Variants in ITCH observed in about 807,000 individuals in gnomAD.
ITCH encodes the protein E3 ubiquitin-protein ligase Itchy homolog.
A neutral mutation model predicts 126.8 loss-of-function variants in ITCH; 28 were observed. The observed-to-expected ratio is 0.22, with a 90% CI of 0.16 to 0.30. The LOEUF is 0.30. ITCH is among the 10% of genes least tolerant of loss of function. ITCH has a pLI of 1.00. For missense variants in ITCH, 631 were observed against 1,032.4 expected (o/e 0.61, Z 5.33); for synonymous variants, 342 against 340.0 (o/e 1.01, Z -0.06).
At chr20:34,449,503 TG>T in intron 12 of ITCH, 23 bp downstream of exon 12, 1 of 1,458,812 alleles carries the variant, frequency 6.9e-7, no homozygotes, top group Non-Finnish European at 9.6e-7. Flanking sequence ...AGTTTCTTCA[TG>T]GAGTTCTGTC....
At chr20:34,458,351 T>C (rs2146359870) in intron 13 of ITCH, among the ~76,000 whole-genome samples, 1 of 152,316 alleles carries the variant, frequency 6.6e-6, no homozygotes. Flanking sequence ...ATGTACATTA[T>C]CACAAAGGTC....
At chr20:34,381,343 C>T (rs919904737) in intron 2 of ITCH, among the ~76,000 whole-genome samples, 2 of 151,474 alleles carry the variant, frequency 1.3e-5, no homozygotes, top group African/African-American at 2.4e-5. Context: ...AGTGTGGTGG[C>T]GCAATCTCAG....
At chr20:34,463,636 T>A (rs1056381731) in intron 14 of ITCH, among the ~76,000 whole-genome samples, 5 of 152,120 alleles carry the variant, frequency 3.3e-5, no homozygotes, top group Non-Finnish European at 5.9e-5. Flanking sequence ...TCATCATATT[T>A]TTTTTTAAAT....
intron 2 of ITCH, among the ~76,000 whole-genome samples, chr20:34,374,552 T>C (rs778617038): frequency 3.3e-5 from 5 of 152,172 alleles, no homozygotes; most frequent in Non-Finnish European, 7.3e-5. Flanking sequence ...TTCTTAAAGT[T>C]ATGATCTGAG....
intron 7 of ITCH, among the ~76,000 whole-genome samples, chr20:34,426,965 G>A (rs564836887): frequency 4.6e-5 from 7 of 151,440 alleles, no homozygotes; most frequent in Admixed American, 2.6e-4. Flanking sequence ...TAGTAGAGAC[G>A]GGGTTTCACC....
At chr20:34,487,040 GTC>G (rs1277075814) in intron 20 of ITCH, among the ~76,000 whole-genome samples, 1 of 98,370 alleles carries the variant, frequency 1.0e-5, no homozygotes, top group African/African-American at 3.9e-5. Context: ...TTGAGACGTA[GTC>G]TCTCTGTCAC....
At chr20:34,392,978 C>G (rs2038539171) in intron 2 of ITCH, among the ~76,000 whole-genome samples, 1 of 152,122 alleles carries the variant, frequency 6.6e-6, no homozygotes, top group African/African-American at 2.4e-5. Context: ...TATATAGATG[C>G]TATTTAAAGC....
intron 14 of ITCH, among the ~76,000 whole-genome samples, chr20:34,465,495 T>C (rs1258375153): frequency 6.6e-6 from 1 of 152,204 alleles, no homozygotes; most frequent in Non-Finnish European, 1.5e-5. Flanking sequence ...ACAGATTCAA[T>C]ATCTGTATCA....
chr20:34,387,301 TC>T (rs2038319366), intron 2 of ITCH, among the ~76,000 whole-genome samples: 1 of 141,548 alleles, frequency 7.1e-6, no homozygotes. Flanking sequence ...AATGTCTGTC[TC>T]AAAAAAAAAA....
At chr20:34,465,143 G>T (rs1172348147) in intron 14 of ITCH, among the ~76,000 whole-genome samples, 1 of 152,172 alleles carries the variant, frequency 6.6e-6, no homozygotes, top group Non-Finnish European at 1.5e-5. Flanking sequence ...AGCACCATTT[G>T]TTGAAAAGAC....
intron 16 of ITCH, among the ~76,000 whole-genome samples, chr20:34,473,157 C>CAA (rs2146429970): frequency 6.6e-6 from 1 of 152,202 alleles, no homozygotes; most frequent in South Asian, 2.1e-4. Context: ...AAACTAATTG[C>CAA]AAAATTAGCA....
intron 2 of ITCH, among the ~76,000 whole-genome samples, chr20:34,389,260 C>T (rs891903837): frequency 4.6e-5 from 7 of 152,070 alleles, no homozygotes; most frequent in African/African-American, 1.7e-4. Context: ...TCAAGCAACC[C>T]TCCCTGCTCA....
chr20:34,391,682 T>G (rs570493036), intron 2 of ITCH, among the ~76,000 whole-genome samples: 26 of 152,316 alleles, frequency 1.7e-4, no homozygotes, highest in African/African-American at 6.0e-4. Context: ...CTAGTATGTA[T>G]ATGTACATAA....
chr20:34,457,985 T>G (rs1352873919), intron 13 of ITCH, among the ~76,000 whole-genome samples: 6 of 152,102 alleles, frequency 3.9e-5, no homozygotes, highest in Non-Finnish European at 8.8e-5. Flanking sequence ...AAAAAAATTA[T>G]CTGGCACATG....
At chr20:34,418,592 A>G (rs1457283339) in intron 6 of ITCH, among the ~76,000 whole-genome samples, 4 of 152,102 alleles carry the variant, frequency 2.6e-5, no homozygotes, top group African/African-American at 4.8e-5. Context: ...CTAGATCTCA[A>G]CTGGTCTGGG....
intron 2 of ITCH, among the ~76,000 whole-genome samples, chr20:34,375,819 C>G (rs1053885787): frequency 7.1e-6 from 1 of 140,004 alleles, no homozygotes; most frequent in African/African-American, 2.7e-5. Flanking sequence ...TTGAGACCAG[C>G]TTGAGCAACA....
At chr20:34,372,257 T>A (rs1415692223) in intron 2 of ITCH, among the ~76,000 whole-genome samples, 92 of 139,962 alleles carry the variant, frequency 6.6e-4, no homozygotes, top group Non-Finnish European at 1.3e-3. Context: ...GTGAGCCGAG[T>A]TCACGCCACT....
At chr20:34,437,128 C>CA (rs573957007) in intron 7 of ITCH, among the ~76,000 whole-genome samples, 83 of 136,568 alleles carry the variant, frequency 6.1e-4, no homozygotes, top group Middle Eastern at 3.9e-3. Context: ...GACGCTGTCT[C>CA]AAAAAAAAAA....
chr20:34,378,340 G>A (rs1253556333), intron 2 of ITCH, among the ~76,000 whole-genome samples: 1 of 151,784 alleles, frequency 6.6e-6, no homozygotes, highest in Admixed American at 6.6e-5. Context: ...GGGTGGGGTG[G>A]TGGCGCACCT....
Sources: gnomAD v4.1 joint callset for allele counts (sites outside exome capture counted in the v4.1 genomes callset) on GRCh38, gnomAD v4.1.1 for gene constraint, MANE v1.5 for transcripts, NCBI Gene and HGNC (gene_info 2026-07-23, HGNC 2026-07-21) for gene names.